The following WDR59 variants were observed in gnomAD, a reference collection of about 807,000 sequenced individuals.
The protein encoded by WDR59 is GATOR2 complex protein WDR59.
A neutral mutation model predicts 131.2 loss-of-function variants in WDR59; 100 were observed. The observed-to-expected ratio is 0.76, with a 90% CI of 0.65 to 0.90. The LOEUF (loss-of-function observed/expected upper bound fraction) is 0.90. Among genes scored for constraint, WDR59 ranks in the 40% least tolerant of loss-of-function variants. WDR59 has a pLI of 0.00. For synonymous variants in WDR59, 601 were observed against 466.2 expected, an observed-to-expected ratio of 1.29 and a Z score of -3.72; for missense variants, 1,203 against 1,262.2, an observed-to-expected ratio of 0.95 and a Z score of 0.71.
intron 25 of WDR59, among the ~76,000 whole-genome samples, chr16:74,875,232 A>G (rs1318767103): frequency 6.6e-6 from 1 of 152,184 alleles, no homozygotes; most frequent in Non-Finnish European, 1.5e-5. Flanking sequence ...CCACTGGGCT[A>G]CCCTGAGTAA....
chr16:74,974,666 G>T (rs2034118354), intron 1 of WDR59, among the ~76,000 whole-genome samples: 1 of 152,168 alleles, frequency 6.6e-6, no homozygotes, highest in Admixed American at 6.5e-5. Context: ...AAACGACGTA[G>T]TTTACGCTGA....
intron 1 of WDR59, among the ~76,000 whole-genome samples, chr16:74,975,875 G>A (rs2034159983): frequency 1.3e-5 from 2 of 151,716 alleles, no homozygotes; most frequent in South Asian, 2.1e-4. Flanking sequence ...AATAGGCCAG[G>A]TGCAGTGGCT....
intron 20 of WDR59, among the ~76,000 whole-genome samples, chr16:74,891,221 C>T (rs1012441900): frequency 1.3e-5 from 2 of 151,878 alleles, no homozygotes; most frequent in Non-Finnish European, 2.9e-5. Flanking sequence ...CTCTGAGATG[C>T]TCAAAAGAAA....
At chr16:74,930,328 C>G (rs2031268039) in intron 8 of WDR59, among the ~76,000 whole-genome samples, 2 of 152,122 alleles carry the variant, frequency 1.3e-5, no homozygotes, top group Non-Finnish European at 1.5e-5. Flanking sequence ...TATACACCTA[C>G]TAGCTACCCA....
At chr16:74,976,612 TC>T (rs774314679) in intron 1 of WDR59, among the ~76,000 whole-genome samples, 13 of 151,914 alleles carry the variant, frequency 8.6e-5, no homozygotes, top group Non-Finnish European at 1.6e-4. Flanking sequence ...TGGCTAATTT[TC>T]TGTATTTTTA....
intron 11 of WDR59, among the ~76,000 whole-genome samples, chr16:74,917,267 T>C (rs1291669653): frequency 1.3e-5 from 2 of 152,210 alleles, no homozygotes; most frequent in Non-Finnish European, 2.9e-5. Flanking sequence ...TGCTGATAGA[T>C]GTAGAAGCCT....
chr16:74,887,790 C>T (rs370985980), intron 22 of WDR59, 35 bp from the exon 23 acceptor site: 2 of 1,582,494 alleles, frequency 1.3e-6, no homozygotes, highest in Admixed American at 1.7e-5. Context: ...ACAGGACTAG[C>T]ATGAGAATAC....
Position 74,873,071 on chromosome 16 carries a change from G to C in WDR59, c.*1138C>G, listed in dbSNP as rs562265873. 2 of 152,000 alleles carry C rather than the reference G, an allele frequency of 1.3e-5. No individual in the cohort carries two copies. Among genetic ancestry groups the C allele is most frequent in the Non-Finnish European group, 1.5e-5 (1 of 68,058 alleles). The allele number at this position is 152,000 out of a possible 1,614,324, so 9.4% of individuals were successfully genotyped here. On this transcript the variant is annotated 3_prime_UTR_variant, in exon 26 of 26. Transcript: ENST00000262144. ...ATTACAGGCGCCCGCCACCATGCCC[G>C]GCTAATTTTTCTATTTTTAGTAGAG... is the stretch of plus-strand genomic sequence containing the variant.
chr16:74,887,777 C>G (rs1019279134), intron 22 of WDR59, 22 bp from the exon 23 acceptor site: 1 of 1,606,388 alleles, frequency 6.2e-7, no homozygotes, highest in Non-Finnish European at 8.5e-7. Flanking sequence ...AAGAGAAGAA[C>G]CAACAGGACT....
Position 74,970,494 on chromosome 16 carries a change from CCAAAAAAAAAAAAAAAAA to C in WDR59, c.55-4690_55-4673del, listed in dbSNP as rs1344773923. 9.3e-4 allele frequency among the ~76,000 whole-genome samples: 97 copies of C among 103,858 alleles called. 3 individuals are homozygous for C. Among genetic ancestry groups the C allele is most frequent in the East Asian group, 1.8e-3 (8 of 4,558 alleles). 68.1% of individuals were successfully genotyped at this position (103,858 alleles called of 152,430 possible). On this transcript the variant is annotated intron_variant, in intron 1 of 25. Transcript: ENST00000262144. Reference sequence around the variant, plus strand: ...TGGGTGACAGAGAGAGACTCTGTCTCCAAAAAAAAAAAAAAAAAAAAAAAAAAAAAAAAGCAGCTCTCC... The same window carrying C: ...TGGGTGACAGAGAGAGACTCTGTCTCAAAAAAAAAAAAAAAGCAGCTCTCC...
At chr16:74,900,629 G>A (rs574349399) in intron 18 of WDR59, among the ~76,000 whole-genome samples, 2 of 152,308 alleles carry the variant, frequency 1.3e-5, no homozygotes, top group East Asian at 1.9e-4. Context: ...TCAAATGAAT[G>A]TTAGCAATTT....
rs1181233727 is a variant in WDR59, at chr16:74,981,660, A to ATTTTTTTT, written c.54+3296_54+3303dup. ...TATATATATATATATATATATATAT[A>ATTTTTTTT]TTTTTTTTTTTTTTAGATGGAGTCT... On this transcript the variant is annotated intron_variant, in intron 1 of 25. Coordinates refer to ENST00000262144, the MANE Select transcript of WDR59 (RefSeq NM_030581.4). 1.5e-4 allele frequency among the ~76,000 whole-genome samples: 12 copies of ATTTTTTTT among 80,872 alleles called. 1 individual carries two copies. Among genetic ancestry groups the ATTTTTTTT allele is most frequent in the African/African-American group, 7.3e-4 (10 of 13,606 alleles). The allele number at this position is 80,872 out of a possible 152,430, so 53.1% of individuals were successfully genotyped here.
chr16:74,884,962 C>A (rs902063397), intron 25 of WDR59, among the ~76,000 whole-genome samples: 2 of 152,202 alleles, frequency 1.3e-5, no homozygotes, highest in Non-Finnish European at 2.9e-5. Context: ...CACATCGTTT[C>A]TGTTTGCTTG....
chr16:74,892,606 T>C, intron 19 of WDR59, 41 bp from the exon 20 acceptor site: 3 of 1,524,524 alleles, frequency 2.0e-6, no homozygotes, highest in East Asian at 4.6e-5. Flanking sequence ...CTTTCTAGTG[T>C]AACTTCCCAA....
intron 14 of WDR59, among the ~76,000 whole-genome samples, chr16:74,911,101 T>A (rs1404901348): frequency 6.6e-6 from 1 of 152,166 alleles, no homozygotes; most frequent in Admixed American, 6.6e-5. Context: ...TGACCTCAGG[T>A]GATCCACCCG....
chr16:74,912,110 C>A, intron 14 of WDR59, 88 bp downstream of exon 14: 1 of 1,565,218 alleles, frequency 6.4e-7, no homozygotes, highest in South Asian at 1.1e-5. Flanking sequence ...TTCCGAATCT[C>A]ATCTACTGGA....
At chr16:74,903,201 TAAC>T (rs1021051069) in intron 18 of WDR59, among the ~76,000 whole-genome samples, 4 of 152,198 alleles carry the variant, frequency 2.6e-5, no homozygotes, top group Admixed American at 2.0e-4. Context: ...GAGCGAGAGA[TAAC>T]AACAAAGAAT....
In WDR59 at chr16:74,958,607, A is replaced by AAAAAAC. The variant is rs2033413321; in HGVS notation, c.105-1998_105-1997insGTTTTT. ...GACTCCATCTCAAAAAAAAAAAAAA[A>AAAAAAC]AAAAAAAAAAAAACAAGCTAAATAA... On this transcript the variant is annotated intron_variant, in intron 2 of 25. Transcript: ENST00000262144. 2.1e-5 allele frequency among the ~76,000 whole-genome samples: 3 copies of AAAAAAC among 142,680 alleles called. 1 individual carries two copies. Among genetic ancestry groups the AAAAAAC allele is most frequent in the East Asian group, 2.0e-4 (1 of 4,958 alleles). The allele number at this position is 142,680 out of a possible 152,430, so 93.6% of individuals were successfully genotyped here.
chr16:74,882,807 C>CAAAAAAAAAAAAAAAAA (rs569507124), intron 25 of WDR59, among the ~76,000 whole-genome samples: 15 of 51,424 alleles, frequency 2.9e-4, no homozygotes, highest in Admixed American at 6.9e-4. Flanking sequence ...AACACTGTCT[C>CAAAAAAAAAAAAAAAAA]AAAAAAAAAA....
Sources: allele counts gnomAD v4.1 joint callset (sites outside exome capture counted in the v4.1 genomes callset), GRCh38; gene constraint gnomAD v4.1.1; transcripts MANE v1.5; gene names NCBI Gene and HGNC (gene_info 2026-07-23, HGNC 2026-07-21).